GOLGA7B: variants seen among roughly 807,000 people sequenced by gnomAD.
GOLGA7B encodes golgin subfamily A member 7B.
In GOLGA7B, 17 loss-of-function variants were observed where a neutral mutation model predicts 21.5. That is an observed-to-expected ratio of 0.79 (90% CI 0.54 to 1.19). The LOEUF is 1.19. Among genes scored for constraint, GOLGA7B ranks in the 50% most tolerant of loss-of-function variants. The pLI is 0.00. For missense variants in GOLGA7B, 169 were observed against 224.4 expected, an observed-to-expected ratio of 0.75 and a Z score of 1.58; for synonymous variants, 87 against 84.0, an observed-to-expected ratio of 1.04 and a Z score of -0.19.
In GOLGA7B at chr10:97,870,307, C is replaced by T. The variant is rs1024922860; in HGVS notation, c.*4607C>T. On this transcript the variant is annotated 3_prime_UTR_variant, in exon 5 of 5. Coordinates refer to ENST00000370602, the MANE Select transcript of GOLGA7B (RefSeq NM_001010917.3). ...ATACACCTCTGAAAATGCCTGAGAC[C>T]TGAATAAGAAGTTTATGGTTCCACA... 2 of 152,070 alleles carry T rather than the reference C, an allele frequency of 1.3e-5. No homozygotes were observed. The highest frequency in any genetic ancestry group is 2.9e-5 in the Non-Finnish European group (2 of 68,026). The allele number at this position is 152,070 out of a possible 1,614,324, so 9.4% of individuals were successfully genotyped here.
At position 97,865,822 on chromosome 10, in the gene GOLGA7B, GTGGGA is replaced by G; in HGVS notation, c.*123_*127del. On this transcript the variant is annotated 3_prime_UTR_variant, in exon 5 of 5. Coordinates refer to ENST00000370602, the MANE Select transcript of GOLGA7B (RefSeq NM_001010917.3). ...CTTTGGGCTCACCCTGCTGCCCGGG[GTGGGA>G]GGGAGGGTGACGGGCCTCATATTTC... 2 of 1,154,540 alleles carry G rather than the reference GTGGGA, an allele frequency of 1.7e-6. No homozygotes were observed. Among genetic ancestry groups the G allele is most frequent in the Non-Finnish European group, 2.3e-6 (2 of 853,544 alleles). The allele number at this position is 1,154,540 out of a possible 1,614,324, so 71.5% of individuals were successfully genotyped here.
intron 4 of GOLGA7B, chr10:97,865,179 G>C (rs1326377189): frequency 5.1e-6 from 1 of 196,126 alleles, no homozygotes; most frequent in African/African-American, 2.3e-5. Context: ...TAAGTGACTG[G>C]TGTAAGGTCA....
chr10:97,856,076 T>G (rs118018854), intron 1 of GOLGA7B, among the ~76,000 whole-genome samples: 2 of 152,354 alleles, frequency 1.3e-5, no homozygotes, highest in East Asian at 3.8e-4. Flanking sequence ...TTTTGTTTGT[T>G]TTTAAATTTT....
At chr10:97,862,914 G>A (rs1209428636) in intron 2 of GOLGA7B, among the ~76,000 whole-genome samples, 1 of 152,132 alleles carries the variant, frequency 6.6e-6, no homozygotes, top group African/African-American at 2.4e-5. Flanking sequence ...TAAGGAGATG[G>A]ACACAAAGGG....
In GOLGA7B at chr10:97,871,025, A is replaced by G. The variant is rs1469354536; in HGVS notation, c.*5325A>G. 6.6e-6 allele frequency: 1 copy of G among 152,192 alleles called. No individual in the cohort carries two copies. The highest frequency in any genetic ancestry group is 1.5e-5 in the Non-Finnish European group (1 of 68,034). The allele number at this position is 152,192 out of a possible 1,614,324, so 9.4% of individuals were successfully genotyped here. On this transcript the variant is annotated 3_prime_UTR_variant, in exon 5 of 5. Coordinates refer to ENST00000370602, the MANE Select transcript of GOLGA7B (RefSeq NM_001010917.3). ...CTGGCCATGAATGTGCTTGGCATGA[A>G]AGAGATGCTTGGTAATGTCGGTTTC... is the stretch of plus-strand genomic sequence containing the variant.
At chr10:97,850,962 A>C (rs368042115) in intron 1 of GOLGA7B, among the ~76,000 whole-genome samples, 151 of 150,660 alleles carry the variant, frequency 1.0e-3, no homozygotes, top group African/African-American at 3.4e-3. Context: ...ACCTTCAAGC[A>C]CTTGAAGGCT....
At chr10:97,862,585 G>A (rs140725701) in intron 2 of GOLGA7B, among the ~76,000 whole-genome samples, 164 of 152,146 alleles carry the variant, frequency 1.1e-3, no homozygotes, top group African/African-American at 3.5e-3. Context: ...CTTCATCCTC[G>A]TCATCTTCAT....
chr10:97,850,929 C>T (rs1425067629), intron 1 of GOLGA7B, among the ~76,000 whole-genome samples: 1 of 148,404 alleles, frequency 6.7e-6, no homozygotes, highest in Non-Finnish European at 1.5e-5. Context: ...CTGCCTTCTT[C>T]AAGGTGCACT....
chr10:97,852,925 G>T (rs1304031040), intron 1 of GOLGA7B, among the ~76,000 whole-genome samples: 1 of 152,170 alleles, frequency 6.6e-6, no homozygotes, highest in Non-Finnish European at 1.5e-5. Context: ...AAACCTCTGT[G>T]AATGTGTGTC....
intron 1 of GOLGA7B, among the ~76,000 whole-genome samples, chr10:97,852,980 G>C (rs1358561501): frequency 2.6e-5 from 4 of 152,194 alleles, no homozygotes; most frequent in Non-Finnish European, 5.9e-5. Context: ...GATGGCCAAG[G>C]ACAACTGGGA....
At chr10:97,863,329 A>G (rs1199566157) in intron 2 of GOLGA7B, among the ~76,000 whole-genome samples, 1 of 152,184 alleles carries the variant, frequency 6.6e-6, no homozygotes, top group Admixed American at 6.5e-5. Context: ...CTTAATACAT[A>G]TTAGCCATTC....
intron 1 of GOLGA7B, among the ~76,000 whole-genome samples, chr10:97,850,522 C>CA (rs1318521413): frequency 6.6e-6 from 1 of 152,192 alleles, no homozygotes; most frequent in East Asian, 1.9e-4. Context: ...CCTGAGCCCC[C>CA]AAGCTGTCCG....
intron 4 of GOLGA7B, chr10:97,865,133 C>T (rs2050004950): frequency 1.2e-5 from 2 of 161,426 alleles, no homozygotes; most frequent in Admixed American, 1.3e-4. Flanking sequence ...TTCTTAATCC[C>T]CATTTTGCAG....
At chr10:97,857,356 T>A (rs2049941821) in intron 1 of GOLGA7B, among the ~76,000 whole-genome samples, 1 of 123,136 alleles carries the variant, frequency 8.1e-6, no homozygotes, top group South Asian at 2.7e-4. Context: ...CCATTTACAA[T>A]AGCCAGACAC....
Position 97,865,970 on chromosome 10 carries a change from T to TC in GOLGA7B, c.*272dup. ...GTCTGGGCCACACAGAGACAGATCT[T>TC]CCTAGGAAGGCTGGGGTGGGGAGAA... On this transcript the variant is annotated 3_prime_UTR_variant, in exon 5 of 5. Coordinates refer to ENST00000370602, the MANE Select transcript of GOLGA7B (RefSeq NM_001010917.3). The TC allele has an allele frequency of 2.1e-6, 1 of 468,474 alleles. No individual in the cohort carries two copies. Among genetic ancestry groups the TC allele is most frequent in the South Asian group, 5.5e-5 (1 of 18,146 alleles). The allele number at this position is 468,474 out of a possible 1,614,324, so 29.0% of individuals were successfully genotyped here. A position where few individuals can be genotyped will look rare whatever the true frequency, so the allele number is the denominator to read the frequency against.
At position 97,866,065 on chromosome 10, in the gene GOLGA7B, C is replaced by A; in HGVS notation, c.*365C>A. ...CTGCGAGGGGGGCCGAGGCCTGCCACATAGAGGACTCCCACACTGCATGAC... is the reference window on the plus strand; with the variant it reads ...CTGCGAGGGGGGCCGAGGCCTGCCAAATAGAGGACTCCCACACTGCATGAC... On this transcript the variant is annotated 3_prime_UTR_variant, in exon 5 of 5. Transcript: ENST00000370602. 3.8e-6 allele frequency: 1 copy of A among 262,736 alleles called. No homozygotes were observed. The highest frequency in any genetic ancestry group is 7.3e-6 in the Non-Finnish European group (1 of 137,304). 16.3% of individuals were successfully genotyped at this position (262,736 alleles called of 1,614,324 possible).
chr10:97,865,892 G>T lies in GOLGA7B; in HGVS notation c.*192G>T, dbSNP rs556639649. The T allele has an allele frequency of 7.7e-6, 7 of 907,354 alleles. No individual in the cohort carries two copies. Among genetic ancestry groups the T allele is most frequent in the Admixed American group, 3.0e-5 (1 of 33,310 alleles). 56.2% of individuals were successfully genotyped at this position (907,354 alleles called of 1,614,324 possible). A position where few individuals can be genotyped will look rare whatever the true frequency, so the allele number is the denominator to read the frequency against. On this transcript the variant is annotated 3_prime_UTR_variant, in exon 5 of 5. Transcript: ENST00000370602. ...CCTATGCCCCCTGTCCCTCACCCCCGTCTGGATCAGTCCATTTCCTGACCT... is the reference window on the plus strand; with the variant it reads ...CCTATGCCCCCTGTCCCTCACCCCCTTCTGGATCAGTCCATTTCCTGACCT...
At chr10:97,852,385 G>A (rs1194812891) in intron 1 of GOLGA7B, among the ~76,000 whole-genome samples, 1 of 152,036 alleles carries the variant, frequency 6.6e-6, no homozygotes. Flanking sequence ...AGGGACAGAG[G>A]AAAGTCCCGG....
chr10:97,862,683 A>T (rs893973882), intron 2 of GOLGA7B, among the ~76,000 whole-genome samples: 7 of 152,110 alleles, frequency 4.6e-5, no homozygotes, highest in African/African-American at 1.7e-4. Flanking sequence ...TCACATATAC[A>T]TGGACCCACA....
Sources: gnomAD v4.1 joint callset for allele counts (sites outside exome capture counted in the v4.1 genomes callset) on GRCh38, gnomAD v4.1.1 for gene constraint, MANE v1.5 for transcripts, NCBI Gene and HGNC (gene_info 2026-07-23, HGNC 2026-07-21) for gene names.